SH3GL3: variants seen among roughly 807,000 people sequenced by gnomAD.
SH3GL3 encodes SH3 domain containing GRB2 like 3, endophilin A3.
Under a neutral mutation model 47.7 loss-of-function variants are expected in SH3GL3, and 33 were observed. The observed-to-expected ratio is 0.69, with a 90% CI of 0.52 to 0.92. The LOEUF is 0.92. Among genes scored for constraint, SH3GL3 ranks in the 40% least tolerant of loss-of-function variants. SH3GL3 has a pLI of 0.00. For missense variants in SH3GL3, 363 were observed against 417.8 expected, an observed-to-expected ratio of 0.87 and a Z score of 1.14; for synonymous variants, 155 against 148.8, an observed-to-expected ratio of 1.04 and a Z score of -0.30.
chr15:83,493,448 C>G (rs1375925644), intron 1 of SH3GL3, among the ~76,000 whole-genome samples: 1 of 152,174 alleles, frequency 6.6e-6, no homozygotes, highest in African/African-American at 2.4e-5. Context: ...TTAAATGATC[C>G]TCTTCCCAGC....
At chr15:83,473,232 G>T (rs1482432883) in intron 1 of SH3GL3, among the ~76,000 whole-genome samples, 44 of 151,652 alleles carry the variant, frequency 2.9e-4, no homozygotes, top group Admixed American at 2.6e-3. Flanking sequence ...GGTGGGTGGG[G>T]GGGTGGGTGG....
chr15:83,600,556 T>C (rs1349412973), intron 8 of SH3GL3, among the ~76,000 whole-genome samples: 2 of 152,218 alleles, frequency 1.3e-5, no homozygotes. Flanking sequence ...TATGTGCCTA[T>C]TTTTATAACA....
chr15:83,499,102 G>A (rs2042194311), intron 1 of SH3GL3, among the ~76,000 whole-genome samples: 1 of 152,082 alleles, frequency 6.6e-6, no homozygotes, highest in African/African-American at 2.4e-5. Context: ...CTGAGGTGGG[G>A]GATGGGTTGC....
chr15:83,489,836 C>T (rs531616129), intron 1 of SH3GL3, among the ~76,000 whole-genome samples: 16 of 125,350 alleles, frequency 1.3e-4, no homozygotes, highest in African/African-American at 4.7e-4. Flanking sequence ...TTGTCAGAAG[C>T]CGATAGATAG....
At chr15:83,571,438 A>G (rs1026691687) in intron 4 of SH3GL3, among the ~76,000 whole-genome samples, 4 of 152,146 alleles carry the variant, frequency 2.6e-5, no homozygotes, top group African/African-American at 9.7e-5. Flanking sequence ...ATTTAGACAC[A>G]CTTTGGAGAG....
At chr15:83,583,306 C>T (rs974142093) in intron 6 of SH3GL3, among the ~76,000 whole-genome samples, 2 of 152,156 alleles carry the variant, frequency 1.3e-5, no homozygotes, top group Admixed American at 6.5e-5. Flanking sequence ...TCACCAAGTC[C>T]CCTGGTAAGG....
rs74990073 is a variant in SH3GL3, at chr15:83,498,383, C to T, written c.45+50805C>T. On this transcript the variant is annotated intron_variant, in intron 1 of 8. Transcript: ENST00000427482. The stretch of plus-strand genomic sequence containing the variant: ...CTTAGTTTCTGGAAATTAAGCATAT[C>T]TTCCTTAAAGGATGGACATGAAGAT... Among the ~76,000 whole-genome samples the T allele has an allele frequency of 2.0e-5, 3 of 152,254 alleles. No homozygotes were observed. In the East Asian group the frequency reaches 5.8e-4, roughly 29 times the overall value.
chr15:83,447,746 T>TC lies in SH3GL3; in HGVS notation c.45+169dup, dbSNP rs2039510264. On this transcript the variant is annotated intron_variant, in intron 1 of 8. Transcript: ENST00000427482. This position sits in a 1 kb window ranked among gnomAD's most constrained non-coding sequence, Gnocchi z 5.1. ...GGGTGAGGGGCCGCCTGCTCTCTCCTCGGCGTCTTGGCGCCTTCTCCTTCC... is the reference window on the plus strand; with the variant it reads ...GGGTGAGGGGCCGCCTGCTCTCTCCTCCGGCGTCTTGGCGCCTTCTCCTTCC... Among the ~76,000 whole-genome samples the TC allele has an allele frequency of 6.6e-6, 1 of 152,132 alleles. No homozygotes were observed. Among genetic ancestry groups the TC allele is most frequent in the Non-Finnish European group, 1.5e-5 (1 of 68,008 alleles).
At chr15:83,551,006 G>A (rs1412456630) in intron 1 of SH3GL3, among the ~76,000 whole-genome samples, 1 of 152,132 alleles carries the variant, frequency 6.6e-6, no homozygotes, top group Non-Finnish European at 1.5e-5. Flanking sequence ...AGACGCCAAG[G>A]TTTCTTTGAA....
chr15:83,625,529 A>G, the SH3GL3 span, among the ~76,000 whole-genome samples: 149,855 of 152,290 alleles, frequency 0.98, 73,743 homozygotes, highest in East Asian at 1. Context: ...ATTCTTCCCC[A>G]GGAATTTAGA....
chr15:83,584,604 A>G (rs1184978740), intron 6 of SH3GL3, among the ~76,000 whole-genome samples: 1 of 152,128 alleles, frequency 6.6e-6, no homozygotes, highest in Non-Finnish European at 1.5e-5. Context: ...AGCTTGCATT[A>G]TGAGTTTCTC....
At chr15:83,627,576 C>CAG in the SH3GL3 span, among the ~76,000 whole-genome samples, 2 of 152,158 alleles carry the variant, frequency 1.3e-5, no homozygotes, top group African/African-American at 4.8e-5. Context: ...TCAGATCTCC[C>CAG]TGTTCATTAG....
intron 1 of SH3GL3, among the ~76,000 whole-genome samples, chr15:83,507,879 T>C (rs2042578761): frequency 6.6e-6 from 1 of 152,022 alleles, no homozygotes. Flanking sequence ...AAAAAGAAAA[T>C]GGATCAAGGG....
At chr15:83,458,326 TTCCAGGGTCA>T (rs919228816) in intron 1 of SH3GL3, among the ~76,000 whole-genome samples, 3 of 152,296 alleles carry the variant, frequency 2.0e-5, no homozygotes, top group Admixed American at 6.5e-5. Context: ...CCTTCCCAAT[TTCCAGGGTCA>T]TCCCAATGTT....
the SH3GL3 span, among the ~76,000 whole-genome samples, chr15:83,627,502 T>G: frequency 6.6e-5 from 10 of 152,190 alleles, no homozygotes; most frequent in Non-Finnish European, 1.0e-4. Flanking sequence ...CAAAAACTAT[T>G]CAAGGATCTA....
intron 8 of SH3GL3, among the ~76,000 whole-genome samples, chr15:83,616,234 G>A (rs912348141): frequency 2.7e-5 from 4 of 148,456 alleles, no homozygotes; most frequent in Non-Finnish European, 4.4e-5. Flanking sequence ...TAAAAGTAAT[G>A]GTAAAAATTG....
At chr15:83,623,171 C>T (rs1389866040), downstream of SH3GL3, among the ~76,000 whole-genome samples, 1 of 152,128 alleles carries the variant, frequency 6.6e-6, no homozygotes, top group African/African-American at 2.4e-5. Context: ...AGGTAGATAC[C>T]ACCAAACCTT....
At position 83,563,372 on chromosome 15, in the gene SH3GL3, G is replaced by C. The variant is rs2730091; in HGVS notation, c.115-1762G>C. ...GTTTTTCCTTCACTGCAATTTGCTC[G>C]TGTGTTTCTAAAAGGACAAATCCTT... On this transcript the variant is annotated intron_variant, in intron 2 of 8. Transcript: ENST00000427482. 2.6e-5 allele frequency among the ~76,000 whole-genome samples: 4 copies of C among 151,836 alleles called. No homozygotes were observed. The East Asian group carries it at 7.7e-4, about 29-fold the overall frequency.
intron 8 of SH3GL3, among the ~76,000 whole-genome samples, chr15:83,614,178 T>C (rs779270540): frequency 2.0e-5 from 3 of 152,192 alleles, no homozygotes; most frequent in Non-Finnish European, 2.9e-5. Flanking sequence ...AGTTCTGTAT[T>C]GTAAGCCCTC....
Sources: allele counts gnomAD v4.1 joint callset (sites outside exome capture counted in the v4.1 genomes callset), GRCh38; gene constraint gnomAD v4.1.1; non-coding constraint Gnocchi (gnomAD v3.1); transcripts MANE v1.5; gene names NCBI Gene and HGNC (gene_info 2026-07-23, HGNC 2026-07-21).